Variants in PLCL1 observed in about 807,000 individuals in gnomAD.
PLCL1 encodes inactive phospholipase C-like protein 1.
Under a neutral mutation model 84.4 loss-of-function variants are expected in PLCL1, and 41 were observed. That is an observed-to-expected ratio of 0.49 (90% CI 0.38 to 0.63). The LOEUF is 0.63. PLCL1 is among the 30% of genes least tolerant of loss of function. PLCL1 has a pLI of 0.00. For synonymous variants in PLCL1, 490 were observed against 488.3 expected (o/e 1.00, Z -0.05); for missense variants, 1,206 against 1,367.8 (o/e 0.88, Z 1.87).
At chr2:198,022,240 T>G (rs1691152855) in intron 1 of PLCL1, among the ~76,000 whole-genome samples, 1 of 152,178 alleles carries the variant, frequency 6.6e-6, no homozygotes, top group South Asian at 2.1e-4. Flanking sequence ...TATCTCAATA[T>G]AATAAGAGCT....
chr2:198,008,179 T>C (rs904189199), intron 1 of PLCL1, among the ~76,000 whole-genome samples: 3 of 152,148 alleles, frequency 2.0e-5, no homozygotes, highest in African/African-American at 7.2e-5. Flanking sequence ...AAGTAATTCT[T>C]TGGGCTTGGT....
chr2:198,112,363 C>G (rs2105920699), intron 5 of PLCL1, among the ~76,000 whole-genome samples: 1 of 151,962 alleles, frequency 6.6e-6, no homozygotes, highest in South Asian at 2.1e-4. Context: ...CCCTGAGAGC[C>G]CAGCCAGCCT....
At chr2:197,858,984 A>G (rs1393187310) in intron 1 of PLCL1, among the ~76,000 whole-genome samples, 1 of 152,110 alleles carries the variant, frequency 6.6e-6, no homozygotes, top group Non-Finnish European at 1.5e-5. Flanking sequence ...CTCACATGGC[A>G]TAGCCTTTAA....
chr2:197,876,533 T>C (rs973669346), intron 1 of PLCL1, among the ~76,000 whole-genome samples: 9 of 152,114 alleles, frequency 5.9e-5, no homozygotes, highest in African/African-American at 2.2e-4. Flanking sequence ...TTTCCAGAGA[T>C]GGCAACTGGA....
chr2:198,072,854 A>G (rs1003200480), intron 1 of PLCL1, among the ~76,000 whole-genome samples: 1 of 152,168 alleles, frequency 6.6e-6, no homozygotes, highest in Non-Finnish European at 1.5e-5. Flanking sequence ...TTTCTTTAAT[A>G]CATTGCCATA....
At chr2:197,916,320 T>C (rs1266643671) in intron 1 of PLCL1, among the ~76,000 whole-genome samples, 1 of 152,204 alleles carries the variant, frequency 6.6e-6, no homozygotes, top group Non-Finnish European at 1.5e-5. Flanking sequence ...GTGTGGATAT[T>C]CCATACTGGT....
At chr2:197,922,954 T>C (rs1688741271) in intron 1 of PLCL1, among the ~76,000 whole-genome samples, 2 of 104,308 alleles carry the variant, frequency 1.9e-5, no homozygotes, top group African/African-American at 7.6e-5. Context: ...GGCGGGGGGC[T>C]GACCCCCCCA....
chr2:198,077,766 C>G (rs1403392245), intron 1 of PLCL1, among the ~76,000 whole-genome samples: 1 of 152,158 alleles, frequency 6.6e-6, no homozygotes. Flanking sequence ...TAAAATCCAC[C>G]ATGGCCCAAA....
intron 1 of PLCL1, among the ~76,000 whole-genome samples, chr2:198,041,397 T>TG (rs1691660603): frequency 1.4e-5 from 1 of 69,002 alleles, no homozygotes; most frequent in Non-Finnish European, 2.8e-5. Flanking sequence ...CCAACCACAG[T>TG]GTTTTTTTTG....
At chr2:197,886,588 G>A (rs1191342871) in intron 1 of PLCL1, among the ~76,000 whole-genome samples, 2 of 151,886 alleles carry the variant, frequency 1.3e-5, no homozygotes, top group Non-Finnish European at 2.9e-5. Flanking sequence ...TTTATTTGAA[G>A]GTTTGTGGAA....
chr2:198,121,165 A>G (rs1693858120), intron 5 of PLCL1, among the ~76,000 whole-genome samples: 1 of 151,998 alleles, frequency 6.6e-6, no homozygotes, highest in Admixed American at 6.6e-5. Flanking sequence ...TCAGATTATT[A>G]GAGTTTTTCC....
At chr2:198,079,063 G>T (rs1036333) in intron 1 of PLCL1, among the ~76,000 whole-genome samples, 76,967 of 151,610 alleles carry the variant, frequency 0.51, 20,184 homozygotes, top group Middle Eastern at 0.65. Flanking sequence ...TCCAAAACTT[G>T]TATTGAATAA....
chr2:198,132,117 T>A (rs1467281319), intron 5 of PLCL1, among the ~76,000 whole-genome samples: 3 of 152,200 alleles, frequency 2.0e-5, no homozygotes, highest in Non-Finnish European at 4.4e-5. Context: ...CACAACCAAC[T>A]AAGACTCTTA....
At chr2:197,955,405 T>C (rs368591234) in intron 1 of PLCL1, among the ~76,000 whole-genome samples, 4 of 151,158 alleles carry the variant, frequency 2.6e-5, no homozygotes, top group African/African-American at 9.7e-5. Context: ...TTTTATTTTT[T>C]ATCTAATTTT....
intron 1 of PLCL1, among the ~76,000 whole-genome samples, chr2:197,867,152 G>C (rs1687564700): frequency 6.6e-6 from 1 of 152,264 alleles, no homozygotes; most frequent in African/African-American, 2.4e-5. Flanking sequence ...TGGATTTGCT[G>C]TAGAGCTGGA....
At chr2:198,003,055 C>T (rs1330497139) in intron 1 of PLCL1, among the ~76,000 whole-genome samples, 5 of 151,838 alleles carry the variant, frequency 3.3e-5, no homozygotes, top group Admixed American at 6.6e-5. Flanking sequence ...ATGTACTGTC[C>T]GCCCTTCTAG....
intron 5 of PLCL1, among the ~76,000 whole-genome samples, chr2:198,132,803 C>A (rs1694152796): frequency 2.0e-5 from 3 of 151,782 alleles, no homozygotes; most frequent in Non-Finnish European, 2.9e-5. Flanking sequence ...ATGGTAGTTT[C>A]TTTTGCTGTG....
intron 1 of PLCL1, among the ~76,000 whole-genome samples, chr2:197,867,215 C>T (rs1687565575): frequency 6.6e-6 from 1 of 152,164 alleles, no homozygotes; most frequent in Non-Finnish European, 1.5e-5. Flanking sequence ...GCATGTCCTT[C>T]CTGGCCTGAC....
intron 5 of PLCL1, among the ~76,000 whole-genome samples, chr2:198,143,967 T>A (rs1426733664): frequency 6.6e-6 from 1 of 152,082 alleles, no homozygotes; most frequent in East Asian, 1.9e-4. Flanking sequence ...GATGATGTAG[T>A]TGTGTTAGTT....
Sources: gnomAD v4.1 joint callset for allele counts (sites outside exome capture counted in the v4.1 genomes callset) on GRCh38, gnomAD v4.1.1 for gene constraint, MANE v1.5 for transcripts, NCBI Gene and HGNC (gene_info 2026-07-23, HGNC 2026-07-21) for gene names.